CFAP47: variants seen among roughly 807,000 people sequenced by gnomAD.
The protein encoded by CFAP47 is cilia- and flagella-associated protein 47.
In CFAP47, 29 loss-of-function variants were observed where a neutral mutation model predicts 148.1. The observed-to-expected ratio is 0.20, with a 90% CI of 0.15 to 0.27. The LOEUF (loss-of-function observed/expected upper bound fraction) is 0.27. CFAP47 is among the 10% of genes least tolerant of loss of function. The probability of loss-of-function intolerance (pLI) is 1.00; values close to 1 mark genes in which losing one functional copy is unlikely to be tolerated. For synonymous variants in CFAP47, 664 were observed against 577.3 expected (o/e 1.15, Z -2.15); for missense variants, 1,872 against 1,697.5 (o/e 1.10, Z -1.81).
intron 38 of CFAP47, among the ~76,000 whole-genome samples, chrX:36,160,394 G>A (rs2146849543): frequency 9.0e-6 from 1 of 111,679 alleles, no homozygotes. Context: ...GTGGTTCTGG[G>A]GGTAGACATG....
At chrX:35,922,131 C>G (rs1244623226) in intron 1 of CFAP47, among the ~76,000 whole-genome samples, 2 of 110,738 alleles carry the variant, frequency 1.8e-5, no homozygotes, top group African/African-American at 6.6e-5. Flanking sequence ...TCATACCTGC[C>G]CCCTCTCCCT....
intron 22 of CFAP47, among the ~76,000 whole-genome samples, chrX:36,027,774 A>G (rs1484830341): frequency 1.8e-5 from 2 of 111,947 alleles, no homozygotes; most frequent in Non-Finnish European, 3.8e-5. Flanking sequence ...ATTCCCATCA[A>G]CAGTATATAA....
chrX:36,073,199 A>C lies in CFAP47; in HGVS notation c.4526A>C (p.His1509Pro). Residue 1509 changes from histidine (H) to proline (P), a missense_variant, in exon 29 of 64, where the codon CAT (histidine) becomes CCT (proline). His to Pro is a moderately conservative substitution (Grantham distance 77). Transcript: ENST00000378653. ...LDESETSEED[H>P]GSLEKEKYEQ... is the part of the protein sequence containing the mutation. ...GAAAGTGAAACATCAGAGGAAGATC[A>C]TGGGTCTCTGGAAAAGGAAAAATAT... The C allele has an allele frequency of 8.3e-7, 1 of 1,210,716 alleles. No individual in the cohort carries two copies. Among genetic ancestry groups the C allele is most frequent in the Non-Finnish European group, 1.1e-6 (1 of 894,670 alleles).
rs1448658496 is a variant in CFAP47, at chrX:36,071,851, A to G, written c.4345A>G (p.Arg1449Gly). Reference protein sequence around the residue: ...NDKDEYLKKTRDGVLPPYQDA... With the variant: ...NDKDEYLKKTGDGVLPPYQDA... ...TAAGGATGAATATCTTAAGAAGACT[A>G]GAGATGGTGTTTTGCCTCCCTACCA... The change falls in exon 28 of 64, where the codon AGA becomes GGA. Residue 1449 changes from arginine to glycine, a missense_variant. Transcript: ENST00000378653. 1.7e-6 allele frequency: 2 copies of G among 1,205,980 alleles called. No individual in the cohort carries two copies. The highest frequency in any genetic ancestry group is 1.8e-5 in the South Asian group (1 of 56,361).
chrX:35,931,315 T>C (rs1167483414), intron 2 of CFAP47, among the ~76,000 whole-genome samples: 2 of 111,236 alleles, frequency 1.8e-5, no homozygotes, highest in African/African-American at 3.3e-5. Context: ...CTGAAGCCTC[T>C]AGTAGATATT....
intron 42 of CFAP47, among the ~76,000 whole-genome samples, chrX:36,198,162 G>A (rs971172376): frequency 9.0e-6 from 1 of 111,202 alleles, no homozygotes; most frequent in Non-Finnish European, 1.9e-5. Flanking sequence ...GAGAACATGT[G>A]CCCTAGGTAG....
intron 49 of CFAP47, among the ~76,000 whole-genome samples, chrX:36,279,024 C>A (rs1941049353): frequency 9.0e-6 from 1 of 111,602 alleles, no homozygotes; most frequent in Non-Finnish European, 1.9e-5. Flanking sequence ...ACCTGTATTT[C>A]TCACCTCCCC....
chrX:36,088,547 G>A (rs73470945), intron 30 of CFAP47, among the ~76,000 whole-genome samples: 2,879 of 110,733 alleles, frequency 0.026, 94 homozygotes, highest in African/African-American at 0.09. Flanking sequence ...ATTATAGAGA[G>A]AATGCTATGT....
At chrX:36,211,146 C>T (rs1555989433) in intron 45 of CFAP47, 3 of 261,408 alleles carry the variant, frequency 1.1e-5, no homozygotes, top group Non-Finnish European at 2.1e-5. Flanking sequence ...AGCCAAGAGG[C>T]AAAATGTCAT....
At chrX:36,352,259 G>T (rs1941748589) in intron 59 of CFAP47, among the ~76,000 whole-genome samples, 1 of 111,135 alleles carries the variant, frequency 9.0e-6, no homozygotes, top group Admixed American at 9.6e-5. Flanking sequence ...TTAATGCCTT[G>T]ATACCGAAGA....
At chrX:36,349,144 A>G (rs1183243214) in intron 58 of CFAP47, among the ~76,000 whole-genome samples, 3 of 112,207 alleles carry the variant, frequency 2.7e-5, no homozygotes, top group African/African-American at 9.7e-5. Flanking sequence ...AAGGCCTTCT[A>G]AGGATGGGAT....
chrX:36,199,019 A>G (rs782105397), intron 42 of CFAP47, among the ~76,000 whole-genome samples: 3 of 112,329 alleles, frequency 2.7e-5, no homozygotes, highest in Non-Finnish European at 5.6e-5. Flanking sequence ...ACTGCCAAAG[A>G]TATCCTTGCT....
chrX:35,937,114 T>G (rs1935928219), intron 2 of CFAP47, among the ~76,000 whole-genome samples: 1 of 63,011 alleles, frequency 1.6e-5, no homozygotes, highest in Non-Finnish European at 2.7e-5. Flanking sequence ...GTTTTTTTTT[T>G]TTTTTTTTTT....
At chrX:35,960,725 G>T (rs1430650451) in intron 8 of CFAP47, among the ~76,000 whole-genome samples, 2 of 111,451 alleles carry the variant, frequency 1.8e-5, no homozygotes, top group Non-Finnish European at 3.8e-5. Context: ...CTTGTATTCT[G>T]CAAATTTGCT....
chrX:35,985,691 G>A (rs761945472), intron 15 of CFAP47, among the ~76,000 whole-genome samples: 1 of 111,693 alleles, frequency 9.0e-6, no homozygotes, highest in African/African-American at 3.3e-5. Context: ...ACAGGAAGTT[G>A]CTCAGATCAG....
At chrX:35,942,497 G>A (rs1936024511) in intron 3 of CFAP47, among the ~76,000 whole-genome samples, 1 of 111,558 alleles carries the variant, frequency 9.0e-6, no homozygotes, top group Non-Finnish European at 1.9e-5. Context: ...TGACTCGAGT[G>A]TTAAGGAGGA....
At chrX:36,237,089 A>G (rs1163231122) in intron 48 of CFAP47, among the ~76,000 whole-genome samples, 1 of 111,862 alleles carries the variant, frequency 8.9e-6, no homozygotes, top group Non-Finnish European at 1.9e-5. Context: ...TATAACTATA[A>G]AGCACATTAA....
At chrX:36,113,243 T>C (rs1270474001) in intron 33 of CFAP47, among the ~76,000 whole-genome samples, 2 of 112,283 alleles carry the variant, frequency 1.8e-5, no homozygotes, top group Admixed American at 9.4e-5. Flanking sequence ...CTTTTCTTTC[T>C]ATATTTAGTG....
chrX:35,931,285 T>C (rs1935822159), intron 2 of CFAP47, among the ~76,000 whole-genome samples: 1 of 111,440 alleles, frequency 9.0e-6, no homozygotes, highest in South Asian at 3.7e-4. Context: ...TCCCTCCTTG[T>C]GCATGGTGAT....
Sources: gnomAD v4.1 joint callset for allele counts (sites outside exome capture counted in the v4.1 genomes callset) on GRCh38, gnomAD v4.1.1 for gene constraint, MANE v1.5 for transcripts, NCBI Gene and HGNC (gene_info 2026-07-23, HGNC 2026-07-21) for gene names.